Variants in DLEC1 observed in about 807,000 individuals in gnomAD.
DLEC1 encodes DLEC1 cilia and flagella associated protein.
In DLEC1, 146 loss-of-function variants were observed where a neutral mutation model predicts 198.1. The observed-to-expected ratio is 0.74, with a 90% CI of 0.64 to 0.85. DLEC1 has a LOEUF of 0.85. DLEC1 is among the 40% of genes least tolerant of loss of function. The probability of loss-of-function intolerance (pLI) is 0.00; values close to 1 mark genes in which losing one functional copy is unlikely to be tolerated. For missense variants in DLEC1, 2,233 were observed against 2,220.0 expected (o/e 1.01, Z -0.12); for synonymous variants, 897 against 866.8 (o/e 1.03, Z -0.61).
At chr3:38,116,292 G>A (rs2125740968) in intron 27 of DLEC1, among the ~76,000 whole-genome samples, 161 bp from the exon 28 acceptor site, 1 of 152,304 alleles carries the variant, frequency 6.6e-6, no homozygotes, top group Middle Eastern at 3.4e-3. Flanking sequence ...AATTTTAAAT[G>A]AGAATTGCCT....
chr3:38,040,226 T>C (rs1700590873), intron 1 of DLEC1, among the ~76,000 whole-genome samples: 1 of 152,140 alleles, frequency 6.6e-6, no homozygotes, highest in South Asian at 2.1e-4. Context: ...GCCTCTCAGA[T>C]CTTCTTCTTC....
intron 1 of DLEC1, among the ~76,000 whole-genome samples, chr3:38,044,689 C>T (rs1700804662): frequency 6.6e-6 from 1 of 152,246 alleles, no homozygotes. Context: ...ACTACAGGTG[C>T]ACACCACCAT....
In DLEC1 at chr3:38,068,077, T is replaced by C. The variant is rs1697124212; in HGVS notation, c.1173+4158T>C. ...CCAAGTATCTGCACTTCTAAGTGAG[T>C]ATCCTAGCAAGCAAGAAGGAGATTG... On this transcript the variant is annotated intron_variant, in intron 6 of 36. Coordinates refer to ENST00000308059, the MANE Select transcript of DLEC1 (RefSeq NM_007335.4). Among the ~76,000 whole-genome samples, 3 of 152,056 alleles carry C rather than the reference T, an allele frequency of 2.0e-5. No homozygotes were observed. In the South Asian group the frequency reaches 6.2e-4, roughly 32 times the overall value.
rs980845678 is a variant in DLEC1, at chr3:38,097,517, G to A, written c.2445G>A (p.Glu815=). 2 of 1,614,182 alleles carry A rather than the reference G, an allele frequency of 1.2e-6. No individual in the cohort carries two copies. Among genetic ancestry groups the A allele is most frequent in the African/African-American group, 1.3e-5 (1 of 75,046 alleles). The change falls in exon 17 of 37, where the codon GAG becomes GAA. Residue 815 remains glutamate, a synonymous_variant. Coordinates refer to ENST00000308059, the MANE Select transcript of DLEC1 (RefSeq NM_007335.4). ...TCCCTCTCTTCTCAGAGCCCAGTGA[G>A]GTCGGGGATTTTGAGTTGAACTTTA... ...EPGTGVIEPS[E]VGDFELNFTG...
rs1230257469 is a variant in DLEC1 at position 38,097,219 on chromosome 3, G to A, written c.2378G>A (p.Trp793Ter). 6.3e-7 allele frequency: 1 copy of A among 1,587,096 alleles called. No homozygotes were observed. Reference protein sequence around the residue: ...NNSKSPIRYLWGKISDCHIIE... With the variant: ...NNSKSPIRYL ...AGCAAGTCACCCATCAGATACCTGT[G>A]GGGGAAGATCAGCGACTGCCACATC... is the stretch of plus-strand genomic sequence containing the variant. The change falls in exon 16 of 37, where the codon TGG (tryptophan) becomes TAG (stop). Residue 793 changes from tryptophan (W) to a stop codon, truncating the protein, a stop_gained. Coordinates refer to ENST00000308059, the MANE Select transcript of DLEC1 (RefSeq NM_007335.4). LOFTEE classifies it high-confidence loss of function.
intron 1 of DLEC1, among the ~76,000 whole-genome samples, chr3:38,044,538 G>T (rs1443255739): frequency 1.3e-5 from 2 of 151,924 alleles, no homozygotes; most frequent in Admixed American, 1.3e-4. Flanking sequence ...ACTCCAGCCT[G>T]GGCAACAAGA....
chr3:38,091,668 A>C (rs1043324609), intron 10 of DLEC1, among the ~76,000 whole-genome samples: 13 of 152,318 alleles, frequency 8.5e-5, no homozygotes, highest in South Asian at 2.1e-4. Context: ...TAGCAAGAAA[A>C]CAACCTGCTT....
chr3:38,043,612 G>T (rs1375370486), intron 1 of DLEC1, among the ~76,000 whole-genome samples: 1 of 152,068 alleles, frequency 6.6e-6, no homozygotes, highest in Non-Finnish European at 1.5e-5. Flanking sequence ...TCCTTGCCAG[G>T]CCCCTCCTGC....
chr3:38,062,317 G>A lies in DLEC1; in HGVS notation c.822G>A (p.Leu274=). ...EDELDHTVDS[L]TWNLTPKAKE... is the part of the protein sequence containing the mutation. ...AGTTAGACCACACTGTGGACAGCCT[G>A]ACATGGAATTTAACTCCTAAGGCCA... The change falls in exon 4 of 37, where the codon CTG becomes CTA. Residue 274 remains leucine, a synonymous_variant. Coordinates refer to ENST00000308059, the MANE Select transcript of DLEC1 (RefSeq NM_007335.4). The A allele has an allele frequency of 6.2e-7, 1 of 1,614,230 alleles. No individual in the cohort carries two copies. Among genetic ancestry groups the A allele is most frequent in the Admixed American group, 1.7e-5 (1 of 60,034 alleles).
In DLEC1 at chr3:38,086,251, G is replaced by T; in HGVS notation, c.1446G>T (p.Val482=). 1 of 1,611,868 alleles carries T rather than the reference G, an allele frequency of 6.2e-7. No individual in the cohort carries two copies. Among genetic ancestry groups the T allele is most frequent in the Non-Finnish European group, 8.5e-7 (1 of 1,178,918 alleles). ...RPPPVLTLSP[V]LDCGYCLIGG... is the part of the protein sequence containing the mutation. ...CTCCTGTGGCTACAGTGTCACCGGTGTTGGACTGTGGTTACTGCCTCATTG... is the reference window on the plus strand; with the variant it reads ...CTCCTGTGGCTACAGTGTCACCGGTTTTGGACTGTGGTTACTGCCTCATTG... The change falls in exon 9 of 37, where the codon GTG becomes GTT. Residue 482 remains valine, a synonymous_variant. Coordinates refer to ENST00000308059, the MANE Select transcript of DLEC1 (RefSeq NM_007335.4).
In DLEC1 at chr3:38,062,651, T is replaced by C; in HGVS notation, c.944T>C (p.Leu315Pro). 5 of 1,614,138 alleles carry C rather than the reference T, an allele frequency of 3.1e-6. No homozygotes were observed. Among genetic ancestry groups the C allele is most frequent in the South Asian group, 2.2e-5 (2 of 91,078 alleles). ...GTGCCACAGAGAGAGCTAGACAGAC[T>C]TCTGCTTGCCAGAATGGAGAGTCGG... ...LRVPQRELDR[L>P]LLARMESRNH... is the part of the protein sequence containing the mutation. The change falls in exon 5 of 37, where the codon CTT (leucine) becomes CCT (proline). Residue 315 changes from leucine to proline, a missense_variant. Coordinates refer to ENST00000308059, the MANE Select transcript of DLEC1 (RefSeq NM_007335.4).
At chr3:38,053,551 C>T (rs991323426) in intron 2 of DLEC1, among the ~76,000 whole-genome samples, 7 of 115,682 alleles carry the variant, frequency 6.1e-5, no homozygotes, top group South Asian at 2.8e-4. Flanking sequence ...CGTCTCCACC[C>T]GGCAGCTGCC....
In DLEC1 at chr3:38,111,743, G is replaced by A. The variant is rs760126654; in HGVS notation, c.3510G>A (p.Gln1170=). The part of the protein sequence containing the change: ...RMQEHLAKRE[Q]LDFMESMLSH... Reference sequence around the variant, plus strand: ...AAGAGCACCTGGCCAAGCGAGAGCAGCTGGGTAAGCGCCACCAGGGTGGGG... The same window carrying A: ...AAGAGCACCTGGCCAAGCGAGAGCAACTGGGTAAGCGCCACCAGGGTGGGG... The change falls in exon 24 of 37, where the codon CAG becomes CAA. Residue 1170 remains glutamine, a synonymous_variant. Transcript: ENST00000308059. The A allele has an allele frequency of 6.2e-7, 1 of 1,611,446 alleles. No individual in the cohort carries two copies. The highest frequency in any genetic ancestry group is 1.1e-5 in the South Asian group (1 of 90,932).
chr3:38,105,862 C>T (rs1274693844), intron 19 of DLEC1, among the ~76,000 whole-genome samples: 1 of 151,740 alleles, frequency 6.6e-6, no homozygotes, highest in African/African-American at 2.4e-5. Flanking sequence ...TCCTGCATTC[C>T]TCCATTATTG....
Position 38,093,717 on chromosome 3 carries a change from T to C in DLEC1, c.1869T>C (p.Pro623=). 2 of 1,614,250 alleles carry C rather than the reference T, an allele frequency of 1.2e-6. No individual in the cohort carries two copies. Among genetic ancestry groups the C allele is most frequent in the Non-Finnish European group, 1.7e-6 (2 of 1,180,048 alleles). The stretch of plus-strand genomic sequence containing the variant: ...CCCAGCACTTCATACGATTTGAGCC[T>C]GAAAACCTTCGGTCCACGGCTAGGA... ...LTAQHFIRFE[P]ENLRSTARKQ... Residue 623 remains proline, a synonymous_variant, in exon 12 of 37, where the codon CCT becomes CCC. Transcript: ENST00000308059.
chr3:38,058,313 C>T (rs1232661639), intron 2 of DLEC1, among the ~76,000 whole-genome samples: 1 of 152,132 alleles, frequency 6.6e-6, no homozygotes, highest in African/African-American at 2.4e-5. Context: ...TCTGCCCAGT[C>T]CTGATCCCCT....
chr3:38,051,344 C>T (rs1032505180), intron 2 of DLEC1, among the ~76,000 whole-genome samples: 60 of 152,234 alleles, frequency 3.9e-4, no homozygotes, highest in Non-Finnish European at 3.8e-4. Context: ...CCTGGTCCAC[C>T]GCGGTCCCCA....
Position 38,121,645 on chromosome 3 carries a change from T to C in DLEC1, c.4884T>C (p.Ala1628=), listed in dbSNP as rs1179520567. 1.2e-6 allele frequency: 2 copies of C among 1,613,796 alleles called. No individual in the cohort carries two copies. Among genetic ancestry groups the C allele is most frequent in the South Asian group, 2.2e-5 (2 of 91,068 alleles). ...TCCCACAGGTGGTGCCCCTGCGGGCTGTGGTGGCCGTGCCTGAGCTGCAGC... is the reference window on the plus strand; with the variant it reads ...TCCCACAGGTGGTGCCCCTGCGGGCCGTGGTGGCCGTGCCTGAGCTGCAGC... The part of the protein sequence containing the change: ...NQTTQVVPLR[A]VVAVPELQLS... The change falls in exon 35 of 37, where the codon GCT becomes GCC. Residue 1628 remains alanine, a synonymous_variant. Coordinates refer to ENST00000308059, the MANE Select transcript of DLEC1 (RefSeq NM_007335.4).
Position 38,093,590 on chromosome 3 carries a change from A to C in DLEC1, c.1757-15A>C, listed in dbSNP as rs771368739. ...TAGTGAGCCTTCACTGACTTCACTT[A>C]CTCTACTTTGGCAGGAATTGGGCAG... is the stretch of plus-strand genomic sequence containing the variant. On this transcript the variant is annotated splice_polypyrimidine_tract_variant and intron_variant, in intron 11 of 36. Transcript: ENST00000308059. The C allele has an allele frequency of 4.3e-6, 7 of 1,613,648 alleles. No homozygotes were observed. The highest frequency in any genetic ancestry group is 5.9e-6 in the Non-Finnish European group (7 of 1,179,956).
Sources: gnomAD v4.1 joint callset for allele counts (sites outside exome capture counted in the v4.1 genomes callset) on GRCh38, gnomAD v4.1.1 for gene constraint, MANE v1.5 for transcripts, NCBI Gene and HGNC (gene_info 2026-07-23, HGNC 2026-07-21) for gene names.